The following IQCJ variants were observed in gnomAD, a reference collection of about 807,000 sequenced individuals.
IQCJ encodes the protein IQ domain-containing protein J.
In IQCJ, 9 loss-of-function variants were observed where a neutral mutation model predicts 11.0. The observed-to-expected ratio is 0.82, with a 90% confidence interval of 0.49 to 1.43. The LOEUF is 1.43. IQCJ is among the 40% of genes most tolerant of loss of function. The probability of loss-of-function intolerance (pLI) is 0.00; values close to 1 mark genes in which losing one functional copy is unlikely to be tolerated. For synonymous variants in IQCJ, 55 were observed against 51.3 expected (o/e 1.07, Z -0.31); for missense variants, 146 against 133.2 (o/e 1.10, Z -0.47).
chr3:159,248,969 G>A (rs559993263), intron 2 of IQCJ, among the ~76,000 whole-genome samples: 3 of 151,890 alleles, frequency 2.0e-5, no homozygotes, highest in African/African-American at 4.8e-5. Context: ...CAACTCTCCT[G>A]CCTTAGCCTC....
chr3:159,125,571 G>A (rs144095763), intron 1 of IQCJ, among the ~76,000 whole-genome samples: 257 of 152,280 alleles, frequency 1.7e-3, no homozygotes, highest in African/African-American at 5.8e-3. Context: ...TCTGTACTAC[G>A]TTTGTATTTT....
At chr3:159,095,706 A>G (rs1407776813) in intron 1 of IQCJ, among the ~76,000 whole-genome samples, 33 of 22,146 alleles carry the variant, frequency 1.5e-3, no homozygotes, top group Middle Eastern at 9.4e-3. Flanking sequence ...ATCATTTTTT[A>G]TGGCTGCATA....
intron 3 of IQCJ, among the ~76,000 whole-genome samples, chr3:159,256,437 T>G (rs1727901907): frequency 6.6e-6 from 1 of 152,228 alleles, no homozygotes; most frequent in Admixed American, 6.5e-5. Flanking sequence ...AAACCCTTAT[T>G]AAATTGCATT....
chr3:159,116,765 G>C (rs906270444), intron 1 of IQCJ, among the ~76,000 whole-genome samples: 5 of 150,328 alleles, frequency 3.3e-5, no homozygotes, highest in Non-Finnish European at 7.4e-5. Context: ...AACCTTCACA[G>C]ATCTTTTGTG....
intron 1 of IQCJ, among the ~76,000 whole-genome samples, chr3:159,197,226 G>A (rs986382083): frequency 1.3e-5 from 2 of 152,210 alleles, no homozygotes; most frequent in African/African-American, 4.8e-5. Context: ...AGAAAGTCCA[G>A]TAAGAGCTTC....
chr3:159,166,089 C>T (rs1401801750), intron 1 of IQCJ, among the ~76,000 whole-genome samples: 2 of 151,850 alleles, frequency 1.3e-5, no homozygotes, highest in Non-Finnish European at 2.9e-5. Context: ...AGGTGGAAAT[C>T]CTAACAGATT....
Position 159,263,584 on chromosome 3 carries a change from A to G in IQCJ, c.*853A>G. 1 of 984,576 alleles carries G rather than the reference A, an allele frequency of 1.0e-6. No homozygotes were observed. Among genetic ancestry groups the G allele is most frequent in the African/African-American group, 1.7e-5 (1 of 57,346 alleles). 61.0% of individuals were successfully genotyped at this position (984,576 alleles called of 1,614,324 possible). On this transcript the variant is annotated 3_prime_UTR_variant, in exon 4 of 4. Coordinates refer to ENST00000397832, the MANE Select transcript of IQCJ (RefSeq NM_001042706.3). Reference sequence around the variant, plus strand: ...GTTAGAGAAATGAAGTAATTACACAAGTATATTACTTCCAAAAATTTTTCT... The same window carrying G: ...GTTAGAGAAATGAAGTAATTACACAGGTATATTACTTCCAAAAATTTTTCT...
intron 1 of IQCJ, among the ~76,000 whole-genome samples, chr3:159,153,541 C>G (rs184667543): frequency 2.0e-5 from 3 of 152,288 alleles, no homozygotes; most frequent in Non-Finnish European, 2.9e-5. Context: ...ATTAGAGATA[C>G]GGCAATGACC....
downstream of IQCJ, chr3:159,265,831 C>T (rs377217298): frequency 6.4e-6 from 1 of 156,904 alleles, no homozygotes; most frequent in African/African-American, 2.4e-5. Flanking sequence ...CAATTATTGC[C>T]TATCTCAACT....
intron 1 of IQCJ, among the ~76,000 whole-genome samples, chr3:159,174,899 G>A (rs139674906): frequency 7.8e-4 from 118 of 151,888 alleles, no homozygotes; most frequent in African/African-American, 2.4e-3. Flanking sequence ...TCAAGACAAC[G>A]TATTTGAAAT....
intron 1 of IQCJ, among the ~76,000 whole-genome samples, chr3:159,230,682 A>G (rs1366777787): frequency 1.3e-5 from 2 of 152,384 alleles, no homozygotes; most frequent in East Asian, 3.9e-4. Flanking sequence ...TATGGCATTT[A>G]AAAGAAGAAT....
intron 1 of IQCJ, among the ~76,000 whole-genome samples, chr3:159,195,995 G>A (rs1723962090): frequency 6.6e-6 from 1 of 152,138 alleles, no homozygotes. Flanking sequence ...ACTGTTCTAA[G>A]TTATTTTCAC....
chr3:159,209,365 C>CTTCTGCTG (rs1419376868), intron 1 of IQCJ, among the ~76,000 whole-genome samples: 1 of 152,154 alleles, frequency 6.6e-6, no homozygotes, highest in African/African-American at 2.4e-5. Context: ...TCCGGCTCCC[C>CTTCTGCTG]TTCTGCTGAC....
chr3:159,249,812 T>C (rs1437585065), intron 2 of IQCJ, among the ~76,000 whole-genome samples: 1 of 152,050 alleles, frequency 6.6e-6, no homozygotes, highest in Non-Finnish European at 1.5e-5. Context: ...CTCAACAGGG[T>C]TTTGTGGTAG....
intron 1 of IQCJ, among the ~76,000 whole-genome samples, chr3:159,221,595 G>A (rs1725549552): frequency 6.6e-6 from 1 of 152,092 alleles, no homozygotes; most frequent in Non-Finnish European, 1.5e-5. Flanking sequence ...GCATCTCAGA[G>A]ACAGCTTGGA....
At chr3:159,093,924 A>G (rs1474969054) in intron 1 of IQCJ, among the ~76,000 whole-genome samples, 1 of 151,630 alleles carries the variant, frequency 6.6e-6, no homozygotes, top group Non-Finnish European at 1.5e-5. Context: ...CTCCCCAAAC[A>G]CTTGGGGATT....
chr3:159,235,215 T>C (rs1376106673), intron 1 of IQCJ, among the ~76,000 whole-genome samples: 5 of 152,210 alleles, frequency 3.3e-5, no homozygotes, highest in Non-Finnish European at 4.4e-5. Context: ...CCTATACCTA[T>C]ATTTTGATCT....
intron 1 of IQCJ, among the ~76,000 whole-genome samples, chr3:159,177,084 A>C (rs1722838503): frequency 6.6e-6 from 1 of 152,238 alleles, no homozygotes. Context: ...TTTATCATTA[A>C]ATAGAAAGCA....
At chr3:159,101,786 G>C (rs1439077778) in intron 1 of IQCJ, among the ~76,000 whole-genome samples, 1 of 152,126 alleles carries the variant, frequency 6.6e-6, no homozygotes, top group Non-Finnish European at 1.5e-5. Context: ...CAAGACCCCA[G>C]CCCTTAGTTC....
Sources: allele counts gnomAD v4.1 joint callset (sites outside exome capture counted in the v4.1 genomes callset), GRCh38; gene constraint gnomAD v4.1.1; transcripts MANE v1.5; gene names NCBI Gene and HGNC (gene_info 2026-07-23, HGNC 2026-07-21).